Variants in MARCHF1 observed in about 807,000 individuals in gnomAD.
MARCHF1 encodes E3 ubiquitin-protein ligase MARCHF1.
A neutral mutation model predicts 54.2 loss-of-function variants in MARCHF1; 40 were observed. The observed-to-expected ratio is 0.74, with a 90% CI of 0.57 to 0.96. The LOEUF (loss-of-function observed/expected upper bound fraction) is 0.96, where lower values mean the gene tolerates loss of function less well. Ranked by LOEUF, MARCHF1 falls within the 40% of genes least tolerant of loss-of-function variation. The pLI, the probability that MARCHF1 is intolerant of heterozygous loss-of-function variation, is 0.00. For synonymous variants in MARCHF1, 236 were observed against 236.3 expected, an observed-to-expected ratio of 1.00 and a Z score of 0.01; for missense variants, 586 against 656.5, an observed-to-expected ratio of 0.89 and a Z score of 1.17.
intron 4 of MARCHF1, among the ~76,000 whole-genome samples, chr4:163,704,207 C>T (rs1462037780): frequency 6.6e-6 from 1 of 151,434 alleles, no homozygotes; most frequent in Non-Finnish European, 1.5e-5. Context: ...TTTTATTTCC[C>T]CCCTTTTTTC....
At chr4:164,110,585 T>G (rs1307005360) in intron 2 of MARCHF1, among the ~76,000 whole-genome samples, 1 of 151,814 alleles carries the variant, frequency 6.6e-6, no homozygotes, top group African/African-American at 2.4e-5. Flanking sequence ...TTGTAATGAC[T>G]ATTATGCCAC....
intron 1 of MARCHF1, among the ~76,000 whole-genome samples, chr4:164,279,936 A>T (rs904398807): frequency 6.6e-6 from 1 of 151,818 alleles, no homozygotes; most frequent in East Asian, 1.9e-4. Context: ...TGAAATACCC[A>T]ACTAAGTATG....
rs1396862057 is a variant in MARCHF1, at chr4:163,527,516, A to AGAT, written c.*1229_*1231dup. The stretch of plus-strand genomic sequence containing the variant: ...TTTATTTCACAACTCTGCTATAGGC[A>AGAT]GATTGATTGTTTTATCTTTCTATAC... On this transcript the variant is annotated 3_prime_UTR_variant, in exon 10 of 10. Coordinates refer to ENST00000514618, the MANE Select transcript of MARCHF1 (RefSeq NM_001394959.1). The AGAT allele has an allele frequency of 1.3e-5, 2 of 151,510 alleles. No homozygotes were observed. The highest frequency in any genetic ancestry group is 3.0e-5 in the Non-Finnish European group (2 of 67,710). The allele number at this position is 151,510 out of a possible 1,614,324, so 9.4% of individuals were successfully genotyped here.
chr4:163,893,339 A>G (rs1334525597), intron 3 of MARCHF1, among the ~76,000 whole-genome samples: 8 of 152,054 alleles, frequency 5.3e-5, no homozygotes, highest in Non-Finnish European at 1.2e-4. Flanking sequence ...GGGTTTCACC[A>G]TGTTGGCCAG....
intron 1 of MARCHF1, among the ~76,000 whole-genome samples, chr4:164,224,009 G>C (rs957569222): frequency 2.0e-5 from 3 of 148,800 alleles, no homozygotes; most frequent in African/African-American, 7.5e-5. Flanking sequence ...TTTTAGTCTT[G>C]CCTCCTTACA....
At chr4:164,091,429 T>TATATATATATATATATATATA in intron 2 of MARCHF1, among the ~76,000 whole-genome samples, 1 of 144,700 alleles carries the variant, frequency 6.9e-6, no homozygotes, top group East Asian at 2.1e-4. Flanking sequence ...TATATATATA[T>TATATATATATATATATATATA]GTATAAAATG....
chr4:163,930,795 CTT>C (rs1751655424), intron 3 of MARCHF1, among the ~76,000 whole-genome samples: 4 of 152,020 alleles, frequency 2.6e-5, no homozygotes, highest in African/African-American at 9.7e-5. Context: ...TAAGATGAGA[CTT>C]GACTTTAAAG....
At chr4:163,786,041 T>C (rs1248246395) in intron 4 of MARCHF1, among the ~76,000 whole-genome samples, 1 of 151,930 alleles carries the variant, frequency 6.6e-6, no homozygotes, top group Non-Finnish European at 1.5e-5. Context: ...AGGCAGGAAA[T>C]GTGGGTAGCC....
At chr4:163,742,379 GCTACCTCCTTCCTTC>G (rs1746225096) in intron 4 of MARCHF1, among the ~76,000 whole-genome samples, 1 of 74,954 alleles carries the variant, frequency 1.3e-5, no homozygotes, top group African/African-American at 5.5e-5. Flanking sequence ...TCCCTCCCTC[GCTACCTCCTTCCTTC>G]CTCCCTTCCT....
intron 1 of MARCHF1, among the ~76,000 whole-genome samples, chr4:164,177,975 T>C (rs1579598534): frequency 6.6e-6 from 1 of 152,148 alleles, no homozygotes; most frequent in Admixed American, 6.5e-5. Flanking sequence ...GTACAACAAT[T>C]TGACAATCCG....
At chr4:164,218,517 G>T (rs1225685803) in intron 1 of MARCHF1, among the ~76,000 whole-genome samples, 2 of 152,008 alleles carry the variant, frequency 1.3e-5, no homozygotes, top group African/African-American at 4.8e-5. Flanking sequence ...ATACTATGCA[G>T]CCATAAAAAA....
chr4:164,193,042 C>T (rs1264083317), intron 1 of MARCHF1, among the ~76,000 whole-genome samples: 1 of 152,122 alleles, frequency 6.6e-6, no homozygotes, highest in Non-Finnish European at 1.5e-5. Context: ...AATTCTTACT[C>T]AGCTCTAACT....
intron 2 of MARCHF1, among the ~76,000 whole-genome samples, chr4:164,084,581 A>C (rs746010583): frequency 2.0e-5 from 3 of 151,906 alleles, no homozygotes; most frequent in Non-Finnish European, 4.4e-5. Flanking sequence ...ATAATTTGCT[A>C]ATCTAAGCTA....
chr4:163,844,597 T>C lies in MARCHF1; in HGVS notation c.111+9424A>G, dbSNP rs142580586. On this transcript the variant is annotated intron_variant, in intron 4 of 9. Transcript: ENST00000514618. ...GTATAGTGTTTGGCACATAAATGAT[T>C]CAATATAGAGTAGCCAGGTAAATTA... Among the ~76,000 whole-genome samples the C allele has an allele frequency of 1.5e-3, 225 of 152,292 alleles. 1 individual carries two copies. The highest frequency in any genetic ancestry group is 5.1e-3 in the African/African-American group (214 of 41,576).
At chr4:163,793,897 G>C (rs972785517) in intron 4 of MARCHF1, among the ~76,000 whole-genome samples, 9 of 152,192 alleles carry the variant, frequency 5.9e-5, no homozygotes, top group African/African-American at 2.2e-4. Context: ...CACTCAGGGA[G>C]CTTGGTTGTT....
chr4:164,186,097 T>A (rs1730963786), intron 1 of MARCHF1, among the ~76,000 whole-genome samples: 1 of 152,196 alleles, frequency 6.6e-6, no homozygotes, highest in African/African-American at 2.4e-5. Flanking sequence ...TTTGCCATGT[T>A]GGCCAGGCTG....
intron 3 of MARCHF1, among the ~76,000 whole-genome samples, chr4:163,963,567 G>T (rs1233129653): frequency 2.0e-5 from 3 of 151,908 alleles, no homozygotes; most frequent in Non-Finnish European, 4.4e-5. Flanking sequence ...GTAATAGCTA[G>T]TCGTCAAAGA....
chr4:163,875,056 A>T (rs2111228389), intron 3 of MARCHF1, among the ~76,000 whole-genome samples: 1 of 152,326 alleles, frequency 6.6e-6, no homozygotes, highest in Admixed American at 6.5e-5. Flanking sequence ...CTTCATGTTT[A>T]TAAAATATCT....
chr4:163,721,445 G>T (rs1745454311), intron 4 of MARCHF1, among the ~76,000 whole-genome samples: 1 of 152,114 alleles, frequency 6.6e-6, no homozygotes, highest in African/African-American at 2.4e-5. Flanking sequence ...ATTTTATTGA[G>T]GATTTTTGCA....
Sources: gnomAD v4.1 joint callset for allele counts (sites outside exome capture counted in the v4.1 genomes callset) on GRCh38, gnomAD v4.1.1 for gene constraint, MANE v1.5 for transcripts, NCBI Gene and HGNC (gene_info 2026-07-23, HGNC 2026-07-21) for gene names.